CT47B1: variants seen among roughly 807,000 people sequenced by gnomAD.
CT47B1 encodes cancer/testis CT47 family, member 13.
A neutral mutation model predicts 12.8 loss-of-function variants in CT47B1; 24 were observed. The ratio of observed to expected loss-of-function variants is 1.87; its 90% CI spans 1.36 to 2.63. CT47B1 has a LOEUF of 2.63. Among genes scored for constraint, CT47B1 ranks in the 30% most tolerant of loss-of-function variants. The pLI is 0.00. For synonymous variants in CT47B1, 228 were observed against 133.3 expected, an observed-to-expected ratio of 1.71 and a Z score of -4.89; for missense variants, 523 against 271.3, an observed-to-expected ratio of 1.93 and a Z score of -6.52.
rs1006623215 is a variant in CT47B1, at chrX:120,875,170, G to C, written c.501C>G (p.Pro167=). The change falls in exon 1 of 3, where the codon CCC becomes CCG. Residue 167 remains proline (P), a synonymous_variant. Transcript: ENST00000371311. The part of the protein sequence containing the change: ...AAVPNLWDNP[P]LLLLSQRLGA... ...CCAGCCTCTGGGACAGCAGCAGCAG[G>C]GGAGGGTTGTCCCAGAGGTTGGGCA... 9 of 1,209,934 alleles carry C rather than the reference G, an allele frequency of 7.4e-6. No homozygotes were observed. The highest frequency in any genetic ancestry group is 1.0e-5 in the Non-Finnish European group (9 of 894,698).
chrX:120,874,819 G>A, intron 1 of CT47B1, 77 bp downstream of exon 1: 2 of 1,166,675 alleles, frequency 1.7e-6, no homozygotes, highest in South Asian at 1.9e-5. Context: ...CACCAGCTGT[G>A]CCCGCACCGC....
Position 120,874,888 on chromosome X carries a change from C to A in CT47B1, c.775+8G>T. On this transcript the variant is annotated splice_region_variant and intron_variant, in intron 1 of 2. Transcript: ENST00000371311. ...CCGCTTCCCCGCTGCTGCCGCTAGCCCCCTTACCCTCGGGGGCCACGGCCT... is the reference window on the plus strand; with the variant it reads ...CCGCTTCCCCGCTGCTGCCGCTAGCACCCTTACCCTCGGGGGCCACGGCCT... The A allele has an allele frequency of 3.3e-6, 4 of 1,208,528 alleles. No homozygotes were observed. Among genetic ancestry groups the A allele is most frequent in the Non-Finnish European group, 4.5e-6 (4 of 894,345 alleles).
In CT47B1 at chrX:120,875,315, C is replaced by G; in HGVS notation, c.356G>C (p.Gly119Ala). ...AVATRRYPAA[G>A]IGFVFLYLVH... ...CAGGTACAGGAACACGAAGCCAATGCCCGCCGCCGGGTACCGACGGGTGGC... is the reference window on the plus strand; with the variant it reads ...CAGGTACAGGAACACGAAGCCAATGGCCGCCGCCGGGTACCGACGGGTGGC... Residue 119 changes from glycine to alanine, a missense_variant, in exon 1 of 3, where the codon GGC (glycine) becomes GCC (alanine). Coordinates refer to ENST00000371311, the MANE Select transcript of CT47B1 (RefSeq NM_001145718.3). 8.3e-7 allele frequency: 1 copy of G among 1,210,815 alleles called. No individual in the cohort carries two copies. The highest frequency in any genetic ancestry group is 1.1e-6 in the Non-Finnish European group (1 of 894,684).
intron 1 of CT47B1, 23 bp from the exon 2 acceptor site, chrX:120,874,043 C>T (rs1368180945): frequency 3.6e-6 from 3 of 823,163 alleles, no homozygotes; most frequent in African/African-American, 2.5e-5. Flanking sequence ...ATAATACACA[C>T]ATGGGGACCA....
At position 120,875,365 on chromosome X, in the gene CT47B1, C is replaced by T; in HGVS notation, c.306G>A (p.Glu102=). 8 of 1,209,312 alleles carry T rather than the reference C, an allele frequency of 6.6e-6. No individual in the cohort carries two copies. Among genetic ancestry groups the T allele is most frequent in the Non-Finnish European group, 8.9e-6 (8 of 893,917 alleles). ...EEEEEEEEGN[E]AANFDLAVAT... ...CCACCGCCAAGTCGAAGTTGGCCGCCTCGTTCCCCTCTTCCTCCTCCTCCT... is the reference window on the plus strand; with the variant it reads ...CCACCGCCAAGTCGAAGTTGGCCGCTTCGTTCCCCTCTTCCTCCTCCTCCT... The change falls in exon 1 of 3, where the codon GAG becomes GAA. Residue 102 remains glutamate, a synonymous_variant. Transcript: ENST00000371311.
rs767584700 is a variant in CT47B1 at position 120,875,331 on chromosome X, G to C, written c.340C>G (p.Arg114Gly). 3 of 1,210,821 alleles carry C rather than the reference G, an allele frequency of 2.5e-6. No homozygotes were observed. The highest frequency in any genetic ancestry group is 3.4e-5 in the African/African-American group (2 of 57,994). Residue 114 changes from arginine (R) to glycine (G), a missense_variant, in exon 1 of 3, where the codon CGG becomes GGG. Coordinates refer to ENST00000371311, the MANE Select transcript of CT47B1 (RefSeq NM_001145718.3). ...ANFDLAVATR[R>G]YPAAGIGFVF... ...AAGCCAATGCCCGCCGCCGGGTACC[G>C]ACGGGTGGCCACCGCCAAGTCGAAG...
rs1213658126 is a variant in CT47B1 at position 120,875,158 on chromosome X, C to G, written c.513G>C (p.Leu171=). ...CAGCCCCTGCACCCAGCCTCTGGGA[C>G]AGCAGCAGCAGGGGAGGGTTGTCCC... ...NLWDNPPLLL[L]SQRLGAGAAA... The change falls in exon 1 of 3, where the codon CTG becomes CTC. Residue 171 remains leucine (L), a synonymous_variant. Coordinates refer to ENST00000371311, the MANE Select transcript of CT47B1 (RefSeq NM_001145718.3). 4 of 1,191,722 alleles carry G rather than the reference C, an allele frequency of 3.4e-6. No homozygotes were observed. Among genetic ancestry groups the G allele is most frequent in the Non-Finnish European group, 4.5e-6 (4 of 880,201 alleles).
At position 120,874,940 on chromosome X, in the gene CT47B1, G is replaced by A. The variant is rs1416840176; in HGVS notation, c.731C>T (p.Pro244Leu). 6 of 1,208,345 alleles carry A rather than the reference G, an allele frequency of 5.0e-6. No individual in the cohort carries two copies. Among genetic ancestry groups the A allele is most frequent in the African/African-American group, 3.5e-5 (2 of 57,293 alleles). Residue 244 changes from proline to leucine, a missense_variant, in exon 1 of 3, where the codon CCG becomes CTG. By Grantham distance (98) the Pro-to-Leu change is moderately conservative. Transcript: ENST00000371311. ...CTCTGAGGTCGGTTCCTCTGCGGCC[G>A]GTTCCTCTGTGGCCTCCTCTGTGAG... ...EKLTEEATEEPAAEEPTSEEA... is the reference protein window; with the variant it reads ...EKLTEEATEELAAEEPTSEEA...
In CT47B1 at chrX:120,874,987, T is replaced by G. The variant is rs773951801; in HGVS notation, c.684A>C (p.Pro228=). The change falls in exon 1 of 3, where the codon CCA becomes CCC. Residue 228 remains proline (P), a synonymous_variant. Coordinates refer to ENST00000371311, the MANE Select transcript of CT47B1 (RefSeq NM_001145718.3). The stretch of plus-strand genomic sequence containing the variant: ...TGAGCTTCTCCTCTGCGGCCTCCTC[T>G]GGGGGTTTCTCATCTGCGGCCTCCT... ...PAEEAADEKP[P]EEAAEEKLTE... 3 of 1,208,577 alleles carry G rather than the reference T, an allele frequency of 2.5e-6. No individual in the cohort carries two copies. The highest frequency in any genetic ancestry group is 3.4e-6 in the Non-Finnish European group (3 of 894,442).
In CT47B1 at chrX:120,874,923, TCGGTTCCTCTGCGGC is replaced by T. The variant is rs773440851; in HGVS notation, c.733_747del (p.Ala245_Pro249del). 4.6e-5 allele frequency: 56 copies of T among 1,207,921 alleles called. No homozygotes were observed. The highest frequency in any genetic ancestry group is 5.4e-5 in the Non-Finnish European group (48 of 894,334). On this transcript the variant is annotated inframe_deletion, in exon 1 of 3. Transcript: ENST00000371311. ...TCGGGGGCCACGGCCTCCTCTGAGG[TCGGTTCCTCTGCGGC>T]CGGTTCCTCTGTGGCCTCCTCTGTG...
Position 120,875,017 on chromosome X carries a change from G to A in CT47B1, c.654C>T (p.Pro218=), listed in dbSNP as rs771282722. 71 of 1,208,540 alleles carry A rather than the reference G, an allele frequency of 5.9e-5. No individual in the cohort carries two copies. The highest frequency in any genetic ancestry group is 8.7e-5 in the African/African-American group (5 of 57,342). The change falls in exon 1 of 3, where the codon CCC becomes CCT. Residue 218 remains proline, a synonymous_variant. Coordinates refer to ENST00000371311, the MANE Select transcript of CT47B1 (RefSeq NM_001145718.3). ...PADLAEMARE[P]AEEAADEKPP... The stretch of plus-strand genomic sequence containing the variant: ...GTTTCTCATCTGCGGCCTCCTCCGC[G>A]GGCTCCCTGGCCATCTCGGCCAGGT...
At chrX:120,874,384 G>C (rs1184520504) in intron 1 of CT47B1, among the ~76,000 whole-genome samples, 1 of 111,396 alleles carries the variant, frequency 9.0e-6, no homozygotes, top group Non-Finnish European at 1.9e-5. Context: ...TACCTCAAAA[G>C]ACAAATTCTA....
rs1321559578 is a variant in CT47B1, at chrX:120,872,637, T to G, written c.*135A>C. 1 of 112,379 alleles carries G rather than the reference T, an allele frequency of 8.9e-6. No homozygotes were observed. Among genetic ancestry groups the G allele is most frequent in the Non-Finnish European group, 1.9e-5 (1 of 53,166 alleles). The allele number at this position is 112,379 out of a possible 1,213,427, so 9.3% of individuals were successfully genotyped here. ...TGAAAACAAACTTTTATTTTTAACT[T>G]GAACAAACACTGTCACATACATCCA... On this transcript the variant is annotated 3_prime_UTR_variant, in exon 3 of 3. Transcript: ENST00000371311.
At position 120,872,628 on chromosome X, in the gene CT47B1, T is replaced by A. The variant is rs1923797734; in HGVS notation, c.*144A>T. The A allele has an allele frequency of 8.9e-6, 1 of 112,694 alleles. No homozygotes were observed. The highest frequency in any genetic ancestry group is 1.9e-5 in the Non-Finnish European group (1 of 53,297). 9.3% of individuals were successfully genotyped at this position (112,694 alleles called of 1,213,427 possible). ...TTTATTCATTGAAAACAAACTTTTA[T>A]TTTTAACTTGAACAAACACTGTCAC... On this transcript the variant is annotated 3_prime_UTR_variant, in exon 3 of 3. Coordinates refer to ENST00000371311, the MANE Select transcript of CT47B1 (RefSeq NM_001145718.3).
rs1381873538 is a variant in CT47B1 at position 120,875,581 on chromosome X, A to G, written c.90T>C (p.Ala30=). The G allele has an allele frequency of 8.5e-7, 1 of 1,182,409 alleles. No individual in the cohort carries two copies. The highest frequency in any genetic ancestry group is 1.1e-6 in the Non-Finnish European group (1 of 889,693). The change falls in exon 1 of 3, where the codon GCT becomes GCC. Residue 30 remains alanine, a synonymous_variant. Transcript: ENST00000371311. ...QEGAQAEAAG[A]GNQEGGDSGP... Reference sequence around the variant, plus strand: ...CGGAGTCGCCGCCCTCCTGGTTACCAGCTCCGGCCGCCTCGGCCTGTGCTC... The same window carrying G: ...CGGAGTCGCCGCCCTCCTGGTTACCGGCTCCGGCCGCCTCGGCCTGTGCTC...
chrX:120,874,041 C>T (rs761627554), intron 1 of CT47B1, 21 bp from the exon 2 acceptor site: 3 of 775,960 alleles, frequency 3.9e-6, no homozygotes, highest in Admixed American at 3.7e-5. Flanking sequence ...GAATAATACA[C>T]ACATGGGGAC....
Position 120,875,415 on chromosome X carries a change from C to G in CT47B1, c.256G>C (p.Asp86His), listed in dbSNP as rs1260332741. The G allele has an allele frequency of 8.3e-7, 1 of 1,207,429 alleles. No homozygotes were observed. The highest frequency in any genetic ancestry group is 1.7e-5 in the African/African-American group (1 of 57,472). The change falls in exon 1 of 3, where the codon GAT becomes CAT. Residue 86 changes from aspartate (D) to histidine (H), a missense_variant. Transcript: ENST00000371311. ...TCTTCCTCCGTCGCGGGCCCGATATCTGAGTCCTCCTCGGCGCTCCCGCCC... is the reference window on the plus strand; with the variant it reads ...TCTTCCTCCGTCGCGGGCCCGATATGTGAGTCCTCCTCGGCGCTCCCGCCC... Reference protein sequence around the residue: ...PQGGSAEEDSDIGPATEEEEE... With the variant: ...PQGGSAEEDSHIGPATEEEEE...
At chrX:120,874,113 C>T (rs1923845710) in intron 1 of CT47B1, 93 bp from the exon 2 acceptor site, 1 of 979,895 alleles carries the variant, frequency 1.0e-6, no homozygotes, top group East Asian at 5.7e-5. Context: ...TTACTCCACC[C>T]TCAGGAGAAG....
In CT47B1 at chrX:120,875,270, C is replaced by T. The variant is rs746190277; in HGVS notation, c.401G>A (p.Arg134His). The stretch of plus-strand genomic sequence containing the variant: ...CTGGATGTGGTCGTTGTGATAGAGG[C>T]GGCGGAGAAGGGAGTGGACCAGGTA... ...FLYLVHSLLR[R>H]LYHNDHIQIA... Residue 134 changes from arginine to histidine, a missense_variant, in exon 1 of 3, where the codon CGC becomes CAC. Arg to His is a conservative substitution (Grantham distance 29). Coordinates refer to ENST00000371311, the MANE Select transcript of CT47B1 (RefSeq NM_001145718.3). 1.2e-5 allele frequency: 15 copies of T among 1,210,262 alleles called. No individual in the cohort carries two copies. The highest frequency in any genetic ancestry group is 1.2e-4 in the African/African-American group (7 of 57,639).
Sources: allele counts gnomAD v4.1 joint callset (sites outside exome capture counted in the v4.1 genomes callset), GRCh38; gene constraint gnomAD v4.1.1; transcripts MANE v1.5; gene names NCBI Gene and HGNC (gene_info 2026-07-23, HGNC 2026-07-21).